DOCK4: variants seen among roughly 807,000 people sequenced by gnomAD.
DOCK4 encodes the protein dedicator of cytokinesis 4.
Under a neutral mutation model 268.1 loss-of-function variants are expected in DOCK4, and 97 were observed. That is an observed-to-expected ratio of 0.36 (90% CI 0.31 to 0.43). The LOEUF (loss-of-function observed/expected upper bound fraction) is 0.43, where lower values mean the gene tolerates loss of function less well. Ranked by LOEUF, DOCK4 falls within the 20% of genes least tolerant of loss-of-function variation. The pLI, the probability that DOCK4 is intolerant of heterozygous loss-of-function variation, is 1.00. For missense variants in DOCK4, 2,145 were observed against 2,455.7 expected, an observed-to-expected ratio of 0.87 and a Z score of 2.67; for synonymous variants, 954 against 887.2, an observed-to-expected ratio of 1.08 and a Z score of -1.34.
intron 36 of DOCK4, among the ~76,000 whole-genome samples, chr7:111,772,593 C>T (rs1179342327): frequency 6.6e-6 from 1 of 151,982 alleles, no homozygotes; most frequent in Non-Finnish European, 1.5e-5. Flanking sequence ...GTCAGTAGTT[C>T]GAGACCAGCC....
chr7:111,913,075 T>C (rs145845821), intron 13 of DOCK4, among the ~76,000 whole-genome samples: 2,214 of 152,058 alleles, frequency 0.015, 56 homozygotes, highest in African/African-American at 0.049. Context: ...GCGATTCTCT[T>C]GCCTCAGCCT....
chr7:111,996,412 A>T (rs954891239), intron 4 of DOCK4, among the ~76,000 whole-genome samples: 5 of 152,242 alleles, frequency 3.3e-5, no homozygotes, highest in African/African-American at 1.2e-4. Context: ...TTGTTCAATT[A>T]TTCTAGGATG....
intron 7 of DOCK4, among the ~76,000 whole-genome samples, chr7:111,977,642 G>A (rs967572263): frequency 6.6e-6 from 1 of 152,200 alleles, no homozygotes; most frequent in Non-Finnish European, 1.5e-5. Flanking sequence ...GAAGCAGGAA[G>A]TTCAAAGGAT....
At chr7:111,785,008 T>G (rs1799066523) in intron 32 of DOCK4, among the ~76,000 whole-genome samples, 2 of 152,216 alleles carry the variant, frequency 1.3e-5, no homozygotes, top group African/African-American at 4.8e-5. Flanking sequence ...AAGCTTTCTC[T>G]TGTCTGTGGC....
intron 1 of DOCK4, among the ~76,000 whole-genome samples, chr7:112,152,874 G>A (rs902018085): frequency 2.6e-5 from 4 of 151,978 alleles, no homozygotes; most frequent in Admixed American, 6.6e-5. Context: ...AAAAAAAACC[G>A]AACATTTCTT....
At chr7:111,937,978 G>C (rs1794877834) in intron 11 of DOCK4, among the ~76,000 whole-genome samples, 1 of 152,202 alleles carries the variant, frequency 6.6e-6, no homozygotes, top group African/African-American at 2.4e-5. Flanking sequence ...ACACAGTAAA[G>C]GGTGGTTATT....
At chr7:111,806,091 T>C (rs1053052955) in intron 30 of DOCK4, among the ~76,000 whole-genome samples, 6 of 152,196 alleles carry the variant, frequency 3.9e-5, no homozygotes, top group African/African-American at 1.4e-4. Context: ...TACTTGCATA[T>C]ATCCAGTGCT....
At chr7:112,113,578 A>G (rs1452293737) in intron 1 of DOCK4, among the ~76,000 whole-genome samples, 3 of 151,812 alleles carry the variant, frequency 2.0e-5, no homozygotes, top group Non-Finnish European at 4.4e-5. Flanking sequence ...AAAAATATGT[A>G]TGTATATATT....
intron 36 of DOCK4, among the ~76,000 whole-genome samples, chr7:111,774,331 G>A (rs929336626): frequency 3.3e-5 from 5 of 152,086 alleles, no homozygotes; most frequent in African/African-American, 1.2e-4. Context: ...AGCTGGGCAT[G>A]GTGGCAGGCA....
intron 1 of DOCK4, among the ~76,000 whole-genome samples, chr7:112,205,132 G>A (rs1821283259): frequency 6.6e-6 from 1 of 152,132 alleles, no homozygotes; most frequent in Admixed American, 6.5e-5. Context: ...TAACCCGCCT[G>A]AAATGGGAGG....
chr7:111,785,998 G>T (rs1339122823), intron 32 of DOCK4, among the ~76,000 whole-genome samples: 1 of 152,028 alleles, frequency 6.6e-6, no homozygotes, highest in Non-Finnish European at 1.5e-5. Flanking sequence ...ATCATAATGG[G>T]GTTACGTAGA....
At chr7:111,820,326 G>T (rs1801880022) in intron 27 of DOCK4, 1 of 152,220 alleles carries the variant, frequency 6.6e-6, no homozygotes, top group Non-Finnish European at 1.5e-5. Flanking sequence ...TGCCAGTGGA[G>T]AGGCAGCGCC....
At chr7:112,155,500 T>C (rs1395012615) in intron 1 of DOCK4, among the ~76,000 whole-genome samples, 2 of 152,230 alleles carry the variant, frequency 1.3e-5, no homozygotes, top group South Asian at 4.1e-4. Context: ...GCATTCATCA[T>C]GTAAAGAAAC....
intron 8 of DOCK4, among the ~76,000 whole-genome samples, chr7:111,954,849 G>C (rs540982479): frequency 6.6e-6 from 1 of 152,088 alleles, no homozygotes; most frequent in East Asian, 1.9e-4. Flanking sequence ...GGTTCGAACC[G>C]ATACAAAGAG....
intron 23 of DOCK4, among the ~76,000 whole-genome samples, chr7:111,856,190 C>T (rs1284132953): frequency 6.6e-6 from 1 of 152,068 alleles, no homozygotes; most frequent in Non-Finnish European, 1.5e-5. Flanking sequence ...CAGGTGTCAC[C>T]CTTTCCCCAG....
chr7:112,160,649 G>A (rs944403101), intron 1 of DOCK4, among the ~76,000 whole-genome samples: 5 of 152,144 alleles, frequency 3.3e-5, no homozygotes, highest in African/African-American at 1.2e-4. Flanking sequence ...CCTTAAGCAG[G>A]CACCCCCACT....
intron 1 of DOCK4, among the ~76,000 whole-genome samples, chr7:112,038,059 C>CAGCATGTT (rs1314012266): frequency 1.3e-5 from 2 of 152,280 alleles, no homozygotes; most frequent in East Asian, 3.9e-4. Flanking sequence ...ATAGCATGGA[C>CAGCATGTT]AGCATGTTAG....
intron 50 of DOCK4, 148 bp from the exon 51 acceptor site, chr7:111,735,315 AT>A (rs1795399465): frequency 1.7e-6 from 1 of 585,378 alleles, no homozygotes; most frequent in East Asian, 2.9e-5. Flanking sequence ...CTAAACCTTT[AT>A]TTAATTGGCT....
intron 32 of DOCK4, among the ~76,000 whole-genome samples, chr7:111,787,041 A>C (rs2133785657): frequency 6.6e-6 from 1 of 152,284 alleles, no homozygotes; most frequent in African/African-American, 2.4e-5. Flanking sequence ...ATAGAGGCTT[A>C]ATATTTTAAT....
Sources: gnomAD v4.1 joint callset for allele counts (sites outside exome capture counted in the v4.1 genomes callset) on GRCh38, gnomAD v4.1.1 for gene constraint, MANE v1.5 for transcripts, NCBI Gene and HGNC (gene_info 2026-07-23, HGNC 2026-07-21) for gene names.